The following HSPG2 variants were observed in gnomAD, a reference collection of about 807,000 sequenced individuals.
HSPG2 encodes the protein heparan sulfate proteoglycan 2, also known as basement membrane-specific heparan sulfate proteoglycan core protein.
HSPG2 carries 278 observed loss-of-function variants against 526.6 expected under a neutral mutation model. The observed-to-expected ratio is 0.53, with a 90% CI of 0.48 to 0.58. The LOEUF (loss-of-function observed/expected upper bound fraction) is 0.58, where lower values mean the gene tolerates loss of function less well. Ranked by LOEUF, HSPG2 falls within the 20% of genes least tolerant of loss-of-function variation. HSPG2 has a pLI of 0.00. For missense variants in HSPG2, 5,354 were observed against 6,099.5 expected (o/e 0.88, Z 4.07); for synonymous variants, 2,465 against 2,555.4 (o/e 0.96, Z 1.07).
At position 21,839,343 on chromosome 1, in the gene HSPG2, T is replaced by C; in HGVS notation, c.9889+28A>G. The C allele has an allele frequency of 6.2e-7, 1 of 1,605,888 alleles. No individual in the cohort carries two copies. The highest frequency in any genetic ancestry group is 8.5e-7 in the Non-Finnish European group (1 of 1,178,928). ...TCGGGGGGCTCAGATCTCCATTTGG[T>C]GCAGACAAAGAAGGGATGAGGCCTT... On this transcript the variant is annotated intron_variant, in intron 73 of 96. Transcript: ENST00000374695. The surrounding 1 kb of genome is among the most constrained non-coding windows in gnomAD (Gnocchi z 4.5).
Position 21,876,298 on chromosome 1 carries a change from G to C in HSPG2, c.2934C>G (p.Phe978Leu). The change falls in exon 23 of 97, where the codon TTC becomes TTG. Residue 978 changes from phenylalanine to leucine, a missense_variant. Physicochemically the swap from Phe to Leu is conservative, Grantham distance 22 (BLOSUM62 0). Coordinates refer to ENST00000374695, the MANE Select transcript of HSPG2 (RefSeq NM_005529.7). ...CAGATAAGAGTCTGTGGAAGGAGGAGAATCCCAGTTCCCCGGGCGTGGGGG... is the reference window on the plus strand; with the variant it reads ...CAGATAAGAGTCTGTGGAAGGAGGACAATCCCAGTTCCCCGGGCGTGGGGG... ...IFSPTPGELG[F>L]SSFHRLLSGP... 1.2e-6 allele frequency: 2 copies of C among 1,614,084 alleles called. No individual in the cohort carries two copies. The highest frequency in any genetic ancestry group is 1.7e-6 in the Non-Finnish European group (2 of 1,180,010).
At chr1:21,861,496 AAAAG>A (rs869108593) in intron 39 of HSPG2, among the ~76,000 whole-genome samples, 19 of 40,424 alleles carry the variant, frequency 4.7e-4, no homozygotes, top group Non-Finnish European at 4.8e-4. Flanking sequence ...TAAAAAAAAA[AAAAG>A]AAAGAAAAAG....
Position 21,846,131 on chromosome 1 carries a change from C to A in HSPG2, c.8441G>T (p.Gly2814Val), listed in dbSNP as rs1393671611. The change falls in exon 64 of 97, where the codon GGC (glycine) becomes GTC (valine). Residue 2814 changes from glycine to valine, a missense_variant. Transcript: ENST00000374695. ...ASVLVTIEAS[G>V]SSAVHVPAPG... is the part of the protein sequence containing the mutation. ...ACCGGGGACGTGGACAGCACTTGAG[C>A]CAGAGGCTTCGATGGTGACCAGGAC... 6.2e-7 allele frequency: 1 copy of A among 1,612,978 alleles called. No individual in the cohort carries two copies. The highest frequency in any genetic ancestry group is 8.5e-7 in the Non-Finnish European group (1 of 1,180,044).
In HSPG2 at chr1:21,874,897, G is replaced by A; in HGVS notation, c.3408C>T (p.Ser1136=). Residue 1136 remains serine, a synonymous_variant, in exon 26 of 97, where the codon TCC becomes TCT. Coordinates refer to ENST00000374695, the MANE Select transcript of HSPG2 (RefSeq NM_005529.7). ...CGTGGGGCCCAGGACTCACCTGGCA[G>A]GACGGCCCACGGTACCCGGGTGGGC... ...CSCPPGYRGP[S]CQDCDTGYTR... The A allele has an allele frequency of 1.2e-6, 2 of 1,611,360 alleles. No individual in the cohort carries two copies. The highest frequency in any genetic ancestry group is 1.1e-5 in the South Asian group (1 of 90,618).
chr1:21,919,810 A>AT (rs1288729220), intron 1 of HSPG2, among the ~76,000 whole-genome samples: 2 of 152,234 alleles, frequency 1.3e-5, no homozygotes, highest in Non-Finnish European at 2.9e-5. Context: ...TTATAAGAAC[A>AT]TAAAGGGATT....
At position 21,827,918 on chromosome 1, in the gene HSPG2, G is replaced by A; in HGVS notation, c.12534C>T (p.Gly4178=). The change falls in exon 91 of 97, where the codon GGC becomes GGT. Residue 4178 remains glycine (G), a splice_region_variant and synonymous_variant. Transcript: ENST00000374695. ...CGGACTCTGCTATGCCATGTCCAGA[G>A]CCTATGGAGAAGGGCAGGGTCCAGT... ...PGFSGPRCQQ[G]SGHGIAESDW... 6.2e-7 allele frequency: 1 copy of A among 1,603,148 alleles called. No individual in the cohort carries two copies. The highest frequency in any genetic ancestry group is 8.5e-7 in the Non-Finnish European group (1 of 1,175,300).
rs1553155337 is a variant in HSPG2 at position 21,823,665 on chromosome 1, C to T, written c.12954G>A (p.Arg4318=). The T allele has an allele frequency of 1.2e-6, 2 of 1,613,656 alleles. No homozygotes were observed. The highest frequency in any genetic ancestry group is 1.7e-6 in the Non-Finnish European group (2 of 1,179,950). ...QVDGEELVSG[R]SPGPNVAVNA... is the part of the protein sequence containing the mutation. ...TGACTGCCACGTTGGGACCTGGGGA[C>T]CGGCCGCTGACCAGCTCCTCACCGT... Residue 4318 remains arginine (R), a synonymous_variant, in exon 96 of 97, where the codon CGG becomes CGA. Coordinates refer to ENST00000374695, the MANE Select transcript of HSPG2 (RefSeq NM_005529.7).
chr1:21,926,392 G>A (rs1204281577), intron 1 of HSPG2, among the ~76,000 whole-genome samples: 1 of 152,078 alleles, frequency 6.6e-6, no homozygotes, highest in Non-Finnish European at 1.5e-5. Flanking sequence ...GAAACTCCTG[G>A]GTTTCTGTTC....
At chr1:21,856,886 G>A in intron 44 of HSPG2, 129 bp downstream of exon 44, 2 of 992,144 alleles carry the variant, frequency 2.0e-6, no homozygotes, top group Non-Finnish European at 3.2e-6. Flanking sequence ...CTTCTGCAGA[G>A]CCTAGACCAG....
At position 21,831,501 on chromosome 1, in the gene HSPG2, C is replaced by T; in HGVS notation, c.11414G>A (p.Gly3805Asp). 1 of 1,614,144 alleles carries T rather than the reference C, an allele frequency of 6.2e-7. No homozygotes were observed. The highest frequency in any genetic ancestry group is 1.3e-5 in the African/African-American group (1 of 75,052). The change falls in exon 83 of 97, where the codon GGT (glycine) becomes GAT (aspartate). Residue 3805 changes from glycine (G) to aspartate (D), a missense_variant. Gly to Asp is a moderately conservative substitution (Grantham distance 94). Coordinates refer to ENST00000374695, the MANE Select transcript of HSPG2 (RefSeq NM_005529.7). ...ELYLGGYPDYGAIPKAGLSSG... is the reference protein window; with the variant it reads ...ELYLGGYPDYDAIPKAGLSSG... ...GCTCAGCCCCGCCTTGGGGATGGCA[C>T]CATAGTCAGGATAGCCACCCAGGTA... is the stretch of plus-strand genomic sequence containing the variant.
At chr1:21,831,403 G>T in intron 83 of HSPG2, 60 bp downstream of exon 83, 1 of 1,604,358 alleles carries the variant, frequency 6.2e-7, no homozygotes, top group Non-Finnish European at 8.5e-7. Context: ...AGGCTCTCCA[G>T]GGCTCTTCCA....
chr1:21,841,575 C>T lies in HSPG2; in HGVS notation c.9292G>A (p.Gly3098Ser), dbSNP rs183249750. Residue 3098 changes from glycine (G) to serine (S), a missense_variant, in exon 70 of 97, where the codon GGT becomes AGT. By Grantham distance (56) the Gly-to-Ser change is moderately conservative (BLOSUM62 0). Coordinates refer to ENST00000374695, the MANE Select transcript of HSPG2 (RefSeq NM_005529.7). ...TYRCVASNAY[G>S]VAQSVVNLSV... The stretch of plus-strand genomic sequence containing the variant: ...AGGTTCACCACACTCTGGGCCACAC[C>T]GTAGGCATTGGAGGCCACGCAGCGG... 25 of 1,614,234 alleles carry T rather than the reference C, an allele frequency of 1.5e-5. No individual in the cohort carries two copies. Among genetic ancestry groups the T allele is most frequent in the African/African-American group, 1.3e-4 (10 of 75,068 alleles).
intron 56 of HSPG2, 53 bp downstream of exon 56, chr1:21,850,310 G>A (rs528450027): frequency 6.2e-6 from 10 of 1,604,756 alleles, no homozygotes; most frequent in Admixed American, 1.7e-5. Context: ...TTGCAAGAGT[G>A]GGGGGCCTCC....
At chr1:21,912,215 C>A (rs1643716965) in intron 1 of HSPG2, among the ~76,000 whole-genome samples, 1 of 152,152 alleles carries the variant, frequency 6.6e-6, no homozygotes, top group South Asian at 2.1e-4. Context: ...ATCACTTGAC[C>A]TCTCTGAGCC....
chr1:21,930,285 C>T (rs1471743706), intron 1 of HSPG2, among the ~76,000 whole-genome samples: 1 of 152,204 alleles, frequency 6.6e-6, no homozygotes, highest in Admixed American at 6.5e-5. Flanking sequence ...TTTATCTTAT[C>T]AGAGGCTTTT....
chr1:21,884,509 C>T lies in HSPG2; in HGVS notation c.1654+19G>A, dbSNP rs191235338. 6.2e-6 allele frequency: 10 copies of T among 1,610,896 alleles called. No homozygotes were observed. In the Admixed American group the frequency reaches 1.7e-4, roughly 27 times the overall value. ...CCCACCTCCCACCTCCCGCAGCGCT[C>T]ACCCGCCCGCCAACGCACCCTTGAA... On this transcript the variant is annotated intron_variant, in intron 13 of 96. Coordinates refer to ENST00000374695, the MANE Select transcript of HSPG2 (RefSeq NM_005529.7).
chr1:21,833,481 T>A lies in HSPG2; in HGVS notation c.10964A>T (p.His3655Leu). 6.2e-7 allele frequency: 1 copy of A among 1,614,136 alleles called. No homozygotes were observed. Among genetic ancestry groups the A allele is most frequent in the Non-Finnish European group, 8.5e-7 (1 of 1,180,012 alleles). ...NRQGKVKAFA[H>L]LQVPERVVPY... The stretch of plus-strand genomic sequence containing the variant: ...TGGTGTCTTACCTGGCACCTGCAGG[T>A]GGGCAAAGGCTTTGACCTTGCCCTG... The change falls in exon 79 of 97, where the codon CAC becomes CTC. Residue 3655 changes from histidine to leucine, a missense_variant. Physicochemically the swap from His to Leu is moderately conservative, Grantham distance 99 (BLOSUM62 -3). Transcript: ENST00000374695.
At position 21,839,979 on chromosome 1, in the gene HSPG2, C is replaced by A. The variant is rs1426523430; in HGVS notation, c.9552G>T (p.Val3184=). Residue 3184 remains valine, a synonymous_variant, in exon 72 of 97, where the codon GTG becomes GTT. Coordinates refer to ENST00000374695, the MANE Select transcript of HSPG2 (RefSeq NM_005529.7). This position sits in a 1 kb window ranked among gnomAD's most constrained non-coding sequence, Gnocchi z 4.5. ...TGCCTAGTGCATTCTGAGCAAGGCA[C>A]ACATAAGTGCCCGCATCTGATGGTT... ...SAKPSDAGTY[V]CLAQNALGTA... The A allele has an allele frequency of 6.2e-7, 1 of 1,614,076 alleles. No individual in the cohort carries two copies. Among genetic ancestry groups the A allele is most frequent in the South Asian group, 1.1e-5 (1 of 91,090 alleles).
intron 6 of HSPG2, chr1:21,888,563 C>T (rs1572372340): frequency 1.3e-6 from 1 of 775,042 alleles, no homozygotes; most frequent in East Asian, 6.4e-5. Context: ...GTCTTGGCCT[C>T]CCAAAGTGCT....
Sources: gnomAD v4.1 joint callset for allele counts (sites outside exome capture counted in the v4.1 genomes callset) on GRCh38, gnomAD v4.1.1 for gene constraint, Gnocchi (gnomAD v3.1) non-coding constraint, MANE v1.5 for transcripts, NCBI Gene and HGNC (gene_info 2026-07-23, HGNC 2026-07-21) for gene names.